HMCN1: variants seen among roughly 807,000 people sequenced by gnomAD.
HMCN1 encodes the protein hemicentin-1.
In HMCN1, 321 loss-of-function variants were observed where a neutral mutation model predicts 625.9. The observed-to-expected ratio is 0.51, with a 90% confidence interval of 0.47 to 0.56. HMCN1 has a LOEUF of 0.56. HMCN1 is among the 20% of genes least tolerant of loss of function. The pLI is 0.00. For missense variants in HMCN1, 6,588 were observed against 6,887.3 expected (o/e 0.96, Z 1.54); for synonymous variants, 2,425 against 2,417.6 (o/e 1.00, Z -0.09).
chr1:185,899,968 A>G (rs1208253172), intron 4 of HMCN1, among the ~76,000 whole-genome samples: 1 of 152,012 alleles, frequency 6.6e-6, no homozygotes, highest in Non-Finnish European at 1.5e-5. Context: ...ATAAATAGAA[A>G]CAATATTTTT....
rs74659235 is a variant in HMCN1 at position 185,915,799 on chromosome 1, G to A, written c.900+4019G>A. On this transcript the variant is annotated intron_variant, in intron 6 of 106. Coordinates refer to ENST00000271588, the MANE Select transcript of HMCN1 (RefSeq NM_031935.3). ...ACCACACATGAAGATTATTATGCTGGCCTCCTATTAGTCTTTCCTGGTGAC... is the reference window on the plus strand; with the variant it reads ...ACCACACATGAAGATTATTATGCTGACCTCCTATTAGTCTTTCCTGGTGAC... Among the ~76,000 whole-genome samples the A allele has an allele frequency of 6.1e-3, 924 of 152,092 alleles. 12 individuals carry two copies. The highest frequency in any genetic ancestry group is 0.021 in the African/African-American group (856 of 41,508).
intron 14 of HMCN1, among the ~76,000 whole-genome samples, chr1:185,967,950 T>C (rs1650538954): frequency 6.6e-6 from 1 of 152,182 alleles, no homozygotes; most frequent in African/African-American, 2.4e-5. Context: ...CTCTCTTAAA[T>C]TTTAGATCTT....
chr1:185,895,968 C>G (rs769700815), intron 4 of HMCN1, among the ~76,000 whole-genome samples: 4 of 150,508 alleles, frequency 2.7e-5, no homozygotes, highest in African/African-American at 9.9e-5. Context: ...GATGGAGTCT[C>G]TCTGTCGCAC....
intron 72 of HMCN1, 97 bp downstream of exon 72, chr1:186,113,050 T>C: frequency 7.1e-7 from 1 of 1,417,490 alleles, no homozygotes. Context: ...AAATGAAGCC[T>C]TGTGCTTATC....
intron 14 of HMCN1, among the ~76,000 whole-genome samples, chr1:185,966,197 T>G (rs1423464003): frequency 1.3e-5 from 2 of 152,106 alleles, no homozygotes; most frequent in Admixed American, 1.3e-4. Flanking sequence ...CTGAAGAAAA[T>G]TGTCCAAGAA....
intron 68 of HMCN1, among the ~76,000 whole-genome samples, chr1:186,100,437 T>C (rs1660333437): frequency 6.6e-6 from 1 of 152,054 alleles, no homozygotes; most frequent in Non-Finnish European, 1.5e-5. Context: ...TTCTGAAAAG[T>C]CCAGTGTGGC....
Position 186,130,621 on chromosome 1 carries a change from G to C in HMCN1, c.13154G>C (p.Arg4385Thr), listed in dbSNP as rs1166476842. The change falls in exon 85 of 107, where the codon AGA becomes ACA. Residue 4385 changes from arginine to threonine, a missense_variant. Physicochemically the swap from Arg to Thr is moderately conservative, Grantham distance 71. Around this residue, in one of 3 missense-constraint regions of HMCN1, gnomAD observed 1,954 missense variants for 2,013.1 expected, o/e 0.97. Transcript: ENST00000271588. ...GDPTPTIQWNRKGVDIEISHR... is the reference protein window; with the variant it reads ...GDPTPTIQWNTKGVDIEISHR... ...CCCACCCCAACCATCCAGTGGAACAGAAAGGGAGTGGATATTGAAATTAGC... is the reference window on the plus strand; with the variant it reads ...CCCACCCCAACCATCCAGTGGAACACAAAGGGAGTGGATATTGAAATTAGC... The C allele has an allele frequency of 6.2e-7, 1 of 1,613,634 alleles. No homozygotes were observed. Among genetic ancestry groups the C allele is most frequent in the Non-Finnish European group, 8.5e-7 (1 of 1,179,678 alleles).
chr1:185,996,713 G>A (rs186520056), intron 24 of HMCN1, among the ~76,000 whole-genome samples: 27 of 152,098 alleles, frequency 1.8e-4, no homozygotes, highest in Non-Finnish European at 2.8e-4. Context: ...GGAAATACTC[G>A]GGACATGGTG....
rs1349700964 is a variant in HMCN1 at position 186,165,177 on chromosome 1, A to C, written c.15319+4A>C. The C allele has an allele frequency of 3.1e-6, 5 of 1,612,424 alleles. No individual in the cohort carries two copies. The South Asian group carries it at 5.5e-5, about 18-fold the overall frequency. Reference sequence around the variant, plus strand: ...TCAGTTGGACCTTTTTGTGCTGGTAAGTACAGAGATAAATAAAGGGTTTTC... The same window carrying C: ...TCAGTTGGACCTTTTTGTGCTGGTACGTACAGAGATAAATAAAGGGTTTTC... On this transcript the variant is annotated splice_donor_region_variant and intron_variant, in intron 98 of 106. Coordinates refer to ENST00000271588, the MANE Select transcript of HMCN1 (RefSeq NM_031935.3).
intron 68 of HMCN1, among the ~76,000 whole-genome samples, chr1:186,097,099 G>A (rs1011844937): frequency 6.6e-6 from 1 of 152,044 alleles, no homozygotes; most frequent in Non-Finnish European, 1.5e-5. Flanking sequence ...CAAATGTTCT[G>A]TTTGCAGACA....
intron 6 of HMCN1, among the ~76,000 whole-genome samples, chr1:185,912,909 T>TA (rs781551747): frequency 9.2e-5 from 14 of 152,246 alleles, no homozygotes; most frequent in Middle Eastern, 6.8e-3. Context: ...TTTCCTTACA[T>TA]AAAAAATGGA....
intron 98 of HMCN1, among the ~76,000 whole-genome samples, chr1:186,165,879 A>T (rs1248164287): frequency 6.6e-6 from 1 of 152,216 alleles, no homozygotes; most frequent in East Asian, 1.9e-4. Flanking sequence ...ATCTCCTAGG[A>T]ATTCTGTGAT....
At chr1:186,153,345 T>C (rs1650790561) in intron 96 of HMCN1, among the ~76,000 whole-genome samples, 1 of 152,176 alleles carries the variant, frequency 6.6e-6, no homozygotes, top group Admixed American at 6.5e-5. Flanking sequence ...AACACTACTG[T>C]ACAATTATTA....
chr1:185,968,142 A>G (rs998148057), intron 14 of HMCN1, among the ~76,000 whole-genome samples: 5 of 152,134 alleles, frequency 3.3e-5, no homozygotes, highest in African/African-American at 1.2e-4. Context: ...CAGGGGATTC[A>G]TGAGATCAAA....
chr1:186,056,388 T>A lies in HMCN1; in HGVS notation c.7144+714T>A, dbSNP rs571301062. Among the ~76,000 whole-genome samples the A allele has an allele frequency of 7.2e-5, 11 of 152,146 alleles. 1 individual carries two copies. The South Asian group carries it at 2.3e-3, about 32-fold the overall frequency. On this transcript the variant is annotated intron_variant, in intron 45 of 106. Transcript: ENST00000271588. Reference sequence around the variant, plus strand: ...ATTACTCTTAATTTTTAGAATTAGATGATTGATTTTTTAGGAAATCTTTTC... The same window carrying A: ...ATTACTCTTAATTTTTAGAATTAGAAGATTGATTTTTTAGGAAATCTTTTC...
In HMCN1 at chr1:186,143,646, A is replaced by G. The variant is rs74664482; in HGVS notation, c.13925-527A>G. 9.6e-3 allele frequency among the ~76,000 whole-genome samples: 1,457 copies of G among 152,364 alleles called. 14 individuals carry two copies. Among genetic ancestry groups the G allele is most frequent in the Non-Finnish European group, 0.015 (1,050 of 68,038 alleles). ...CCAAAGAATTACAGCTGTGCAAATC[A>G]TCATGTTGTTGAAAGATCCAAGTAC... On this transcript the variant is annotated intron_variant, in intron 89 of 106. Coordinates refer to ENST00000271588, the MANE Select transcript of HMCN1 (RefSeq NM_031935.3).
intron 36 of HMCN1, among the ~76,000 whole-genome samples, chr1:186,028,197 CAAG>C (rs1053936697): frequency 4.3e-4 from 66 of 152,160 alleles, no homozygotes; most frequent in African/African-American, 1.2e-3. Context: ...CACAATGTGT[CAAG>C]AAGAAGGTAT....
intron 24 of HMCN1, among the ~76,000 whole-genome samples, chr1:185,995,555 C>G (rs185226175): frequency 1.4e-3 from 218 of 152,240 alleles, no homozygotes; most frequent in African/African-American, 5.1e-3. Context: ...TCTTGCCAGG[C>G]ATCTGTCATG....
chr1:186,032,631 C>T (rs918905780), intron 36 of HMCN1, among the ~76,000 whole-genome samples: 6 of 152,066 alleles, frequency 3.9e-5, no homozygotes, highest in African/African-American at 4.8e-5. Flanking sequence ...GAGGCCTCCC[C>T]AGCCATGCTG....
Sources: allele counts gnomAD v4.1 joint callset (sites outside exome capture counted in the v4.1 genomes callset), GRCh38; gene constraint gnomAD v4.1.1; regional missense constraint gnomAD v4.1.1; transcripts MANE v1.5; gene names NCBI Gene and HGNC (gene_info 2026-07-23, HGNC 2026-07-21).